Variants in STAU2 observed in about 807,000 individuals in gnomAD.
STAU2 encodes staufen double-stranded RNA binding protein 2.
Under a neutral mutation model 65.9 loss-of-function variants are expected in STAU2, and 20 were observed. That is an observed-to-expected ratio of 0.30 (90% CI 0.21 to 0.44). STAU2 has a LOEUF of 0.44. Ranked by LOEUF, STAU2 falls within the 20% of genes least tolerant of loss-of-function variation. The pLI, the probability that STAU2 is intolerant of heterozygous loss-of-function variation, is 1.00. For synonymous variants in STAU2, 232 were observed against 233.9 expected, an observed-to-expected ratio of 0.99 and a Z score of 0.07; for missense variants, 558 against 683.9, an observed-to-expected ratio of 0.82 and a Z score of 2.05.
intron 9 of STAU2, among the ~76,000 whole-genome samples, chr8:73,605,446 C>T (rs1811943152): frequency 6.6e-6 from 1 of 151,220 alleles, no homozygotes; most frequent in Non-Finnish European, 1.5e-5. Flanking sequence ...GTAGCTGGGA[C>T]TACAGGCGCA....
intron 10 of STAU2, among the ~76,000 whole-genome samples, chr8:73,597,347 T>C (rs933517107): frequency 4.6e-5 from 7 of 151,786 alleles, no homozygotes; most frequent in Admixed American, 2.6e-4. Context: ...TTCTGTAGCA[T>C]TACAAAATAA....
chr8:73,723,665 G>A (rs567481867), intron 3 of STAU2, among the ~76,000 whole-genome samples: 28 of 152,096 alleles, frequency 1.8e-4, no homozygotes, highest in Non-Finnish European at 1.0e-4. Flanking sequence ...ATCTCATACC[G>A]TATATTTTTC....
chr8:73,422,704 TA>T lies in STAU2; in HGVS notation c.1531-3del. 1 of 1,459,048 alleles carries T rather than the reference TA, an allele frequency of 6.9e-7. No individual in the cohort carries two copies. 90.4% of individuals were successfully genotyped at this position (1,459,048 alleles called of 1,614,324 possible). ...TTGTTTCAAGGCACTTAAGGCTGCCTAAAAATGAAAACAAACAGAGAGAGCC... is the reference window on the plus strand; with the variant it reads ...TTGTTTCAAGGCACTTAAGGCTGCCTAAAATGAAAACAAACAGAGAGAGCC... On this transcript the variant is annotated splice_region_variant and splice_polypyrimidine_tract_variant and intron_variant, in intron 13 of 14. Coordinates refer to ENST00000524300, the MANE Select transcript of STAU2 (RefSeq NM_001164380.2).
intron 13 of STAU2, among the ~76,000 whole-genome samples, chr8:73,459,478 A>T (rs973210475): frequency 6.6e-6 from 1 of 152,178 alleles, no homozygotes; most frequent in African/African-American, 2.4e-5. Context: ...CAAACTTTTT[A>T]AAAGGGGAAC....
intron 10 of STAU2, among the ~76,000 whole-genome samples, chr8:73,601,324 TATC>T (rs1250593708): frequency 1.3e-5 from 2 of 152,194 alleles, no homozygotes; most frequent in South Asian, 2.1e-4. Context: ...TTGGTTTAGT[TATC>T]ATTATTTTCT....
intron 14 of STAU2, among the ~76,000 whole-genome samples, chr8:73,422,358 T>C (rs1177663946): frequency 6.6e-6 from 1 of 152,202 alleles, no homozygotes; most frequent in Non-Finnish European, 1.5e-5. Flanking sequence ...GTCAGGACAA[T>C]GCACAAATAT....
At chr8:73,439,231 A>T (rs1048919573) in intron 13 of STAU2, 1 of 353,436 alleles carries the variant, frequency 2.8e-6, no homozygotes, top group African/African-American at 2.1e-5. Flanking sequence ...AGCTGGCAGG[A>T]GCTGCTCCAG....
chr8:73,724,402 C>T (rs1314759048), intron 3 of STAU2, among the ~76,000 whole-genome samples: 2 of 151,964 alleles, frequency 1.3e-5, no homozygotes, highest in African/African-American at 2.4e-5. Context: ...CCCTGACTTA[C>T]GATGGTTCAC....
At chr8:73,709,797 A>T (rs151225895) in intron 3 of STAU2, among the ~76,000 whole-genome samples, 156 of 152,204 alleles carry the variant, frequency 1.0e-3, no homozygotes, top group African/African-American at 3.5e-3. Context: ...ATTAAAAAAA[A>T]AATAAGTGGT....
At chr8:73,659,909 T>C (rs574039608) in intron 6 of STAU2, among the ~76,000 whole-genome samples, 124 of 152,258 alleles carry the variant, frequency 8.1e-4, no homozygotes, top group African/African-American at 2.8e-3. Flanking sequence ...GCAACAAACT[T>C]GAGGGGAGAA....
chr8:73,623,540 T>C (rs1813420509), intron 6 of STAU2, among the ~76,000 whole-genome samples: 2 of 152,328 alleles, frequency 1.3e-5, no homozygotes, highest in South Asian at 4.1e-4. Flanking sequence ...GATTTCTGTG[T>C]TTATTTCTAA....
chr8:73,686,033 T>G (rs1272358550), intron 5 of STAU2, among the ~76,000 whole-genome samples: 1 of 151,974 alleles, frequency 6.6e-6, no homozygotes, highest in Admixed American at 6.6e-5. Flanking sequence ...AGACCATTAT[T>G]CTAAGTAAAG....
chr8:73,629,576 GC>G (rs367691004), intron 6 of STAU2, among the ~76,000 whole-genome samples: 72 of 152,306 alleles, frequency 4.7e-4, no homozygotes, highest in African/African-American at 1.7e-3. Context: ...AGCTGGAACT[GC>G]CACATGGAGA....
chr8:73,635,950 A>C (rs1174395864), intron 6 of STAU2, among the ~76,000 whole-genome samples: 2 of 99,042 alleles, frequency 2.0e-5, no homozygotes, highest in Non-Finnish European at 4.0e-5. Context: ...ACACACACAC[A>C]CCCCTGGAAC....
At chr8:73,542,781 A>C (rs1241556370) in intron 13 of STAU2, among the ~76,000 whole-genome samples, 1 of 152,186 alleles carries the variant, frequency 6.6e-6, no homozygotes, top group Non-Finnish European at 1.5e-5. Context: ...TATACTCTCA[A>C]TAAAATAAGA....
At chr8:73,717,432 TTAGTTTTCCTATAC>T (rs1288528492) in intron 3 of STAU2, among the ~76,000 whole-genome samples, 1 of 152,194 alleles carries the variant, frequency 6.6e-6, no homozygotes, top group African/African-American at 2.4e-5. Context: ...CCATTTTGAG[TTAGTTTTCCTATAC>T]AGCGCAAGGT....
intron 12 of STAU2, among the ~76,000 whole-genome samples, chr8:73,559,339 GAC>G (rs1808023771): frequency 6.6e-6 from 1 of 152,214 alleles, no homozygotes; most frequent in South Asian, 2.1e-4. Context: ...TGGTGATGGG[GAC>G]ACCAAAGTGG....
intron 6 of STAU2, among the ~76,000 whole-genome samples, chr8:73,642,644 TTTTC>T (rs1484085667): frequency 1.3e-5 from 2 of 152,210 alleles, no homozygotes; most frequent in East Asian, 1.9e-4. Context: ...TTATCACTGC[TTTTC>T]TTTATTTTAT....
At chr8:73,588,286 T>C (rs1448532231) in intron 11 of STAU2, among the ~76,000 whole-genome samples, 1 of 152,218 alleles carries the variant, frequency 6.6e-6, no homozygotes, top group Non-Finnish European at 1.5e-5. Context: ...AGGGCAGGGA[T>C]AGCAGAGATG....
Sources: gnomAD v4.1 joint callset for allele counts (sites outside exome capture counted in the v4.1 genomes callset) on GRCh38, gnomAD v4.1.1 for gene constraint, MANE v1.5 for transcripts, NCBI Gene and HGNC (gene_info 2026-07-23, HGNC 2026-07-21) for gene names.